The following SPOCK3 variants were observed in gnomAD, a reference collection of about 807,000 sequenced individuals.
SPOCK3 encodes SPARC (osteonectin), cwcv and kazal like domains proteoglycan 3, also known as testican-3.
A neutral mutation model predicts 56.6 loss-of-function variants in SPOCK3; 30 were observed. The ratio of observed to expected loss-of-function variants is 0.53; its 90% confidence interval spans 0.40 to 0.72. The LOEUF (loss-of-function observed/expected upper bound fraction) is 0.72. Ranked by LOEUF, SPOCK3 falls within the 30% of genes least tolerant of loss-of-function variation. SPOCK3 has a pLI of 0.00. For synonymous variants in SPOCK3, 196 were observed against 183.3 expected, an observed-to-expected ratio of 1.07 and a Z score of -0.56; for missense variants, 527 against 530.0, an observed-to-expected ratio of 0.99 and a Z score of 0.06.
intron 3 of SPOCK3, among the ~76,000 whole-genome samples, chr4:167,054,923 G>A (rs979078797): frequency 6.6e-6 from 1 of 152,126 alleles, no homozygotes; most frequent in Non-Finnish European, 1.5e-5. Flanking sequence ...TGCATATATA[G>A]AAAGGAGTTT....
At chr4:166,995,155 T>A (rs1748218478) in intron 4 of SPOCK3, among the ~76,000 whole-genome samples, 1 of 152,046 alleles carries the variant, frequency 6.6e-6, no homozygotes, top group Non-Finnish European at 1.5e-5. Context: ...TCAACTTTTA[T>A]CATAGGTAAA....
intron 6 of SPOCK3, among the ~76,000 whole-genome samples, chr4:166,795,718 T>C (rs891780427): frequency 2.0e-5 from 3 of 151,888 alleles, no homozygotes; most frequent in African/African-American, 7.3e-5. Flanking sequence ...ATAGTAATTA[T>C]CATTTTCATG....
chr4:166,944,846 G>A (rs1281905273), intron 4 of SPOCK3, among the ~76,000 whole-genome samples: 1 of 151,888 alleles, frequency 6.6e-6, no homozygotes, highest in Non-Finnish European at 1.5e-5. Flanking sequence ...AAGTATTTGT[G>A]GTGGAAGTAC....
chr4:166,792,442 T>C (rs1741459468), intron 6 of SPOCK3, among the ~76,000 whole-genome samples, 153 bp from the exon 7 acceptor site: 1 of 152,224 alleles, frequency 6.6e-6, no homozygotes, highest in Non-Finnish European at 1.5e-5. Flanking sequence ...ATATATGCCT[T>C]AAAATAAGAT....
intron 2 of SPOCK3, among the ~76,000 whole-genome samples, chr4:167,071,525 A>G (rs967973652): frequency 2.0e-5 from 3 of 151,964 alleles, no homozygotes; most frequent in African/African-American, 4.8e-5. Flanking sequence ...TTTGCTGAGA[A>G]TGATGGTTTC....
At chr4:167,020,559 G>A (rs1233467284) in intron 3 of SPOCK3, among the ~76,000 whole-genome samples, 1 of 151,972 alleles carries the variant, frequency 6.6e-6, no homozygotes, top group African/African-American at 2.4e-5. Context: ...TCTGCCATGT[G>A]AGAACAGTGT....
Position 166,916,765 on chromosome 4 carries a change from T to G in SPOCK3, c.351-4022A>C, listed in dbSNP as rs149616059. On this transcript the variant is annotated intron_variant, in intron 4 of 10. Coordinates refer to ENST00000357545, the MANE Select transcript of SPOCK3 (RefSeq NM_001040159.2). ...CCTCCCTCGGTCTTAATTTCTTCAC[T>G]TGTGCAATGACAGGTTTCATTATTA... Among the ~76,000 whole-genome samples the G allele has an allele frequency of 1.5e-3, 233 of 152,334 alleles. 10 individuals carry two copies. In the East Asian group the frequency reaches 0.043, roughly 28 times the overall value.
chr4:167,066,205 T>C (rs1189722339), intron 2 of SPOCK3, among the ~76,000 whole-genome samples: 10 of 151,904 alleles, frequency 6.6e-5, no homozygotes, highest in African/African-American at 2.2e-4. Context: ...AGCACACCTA[T>C]GTATTGTAGA....
chr4:166,945,880 C>A (rs1186693758), intron 4 of SPOCK3, among the ~76,000 whole-genome samples: 1 of 152,154 alleles, frequency 6.6e-6, no homozygotes, highest in Non-Finnish European at 1.5e-5. Flanking sequence ...ACCTTCTCCA[C>A]CTGAGGTGAA....
At chr4:167,220,378 C>CTTTTTTTTTT (rs61002914) in intron 2 of SPOCK3, among the ~76,000 whole-genome samples, 52 of 130,034 alleles carry the variant, frequency 4.0e-4, no homozygotes, top group Non-Finnish European at 7.3e-4. Context: ...ACTGTAAGAA[C>CTTTTTTTTTT]TTTTTTTTTT....
Position 166,980,755 on chromosome 4 carries a change from C to T in SPOCK3, c.350+19594G>A, listed in dbSNP as rs137982289. Among the ~76,000 whole-genome samples the T allele has an allele frequency of 2.9e-3, 435 of 152,304 alleles. 1 individual carries two copies. Among genetic ancestry groups the T allele is most frequent in the African/African-American group, 0.01 (423 of 41,562 alleles). ...CCGCAAGCAGCTTCTGCTGTAGGCA[C>T]CTGTGTGAGGGGAATGTGGCAATGC... is the stretch of plus-strand genomic sequence containing the variant. On this transcript the variant is annotated intron_variant, in intron 4 of 10. Transcript: ENST00000357545.
intron 2 of SPOCK3, among the ~76,000 whole-genome samples, chr4:167,094,875 G>A (rs1351019559): frequency 6.6e-6 from 1 of 151,994 alleles, no homozygotes; most frequent in Admixed American, 6.6e-5. Flanking sequence ...TTATTCTAAG[G>A]AATTGGCTCA....
At chr4:166,850,361 T>C (rs1300069389) in intron 6 of SPOCK3, among the ~76,000 whole-genome samples, 1 of 152,192 alleles carries the variant, frequency 6.6e-6, no homozygotes, top group African/African-American at 2.4e-5. Context: ...GAATAAAAGA[T>C]GTCTAGAGTT....
intron 2 of SPOCK3, among the ~76,000 whole-genome samples, chr4:167,075,367 C>T (rs542864458): frequency 1.3e-5 from 2 of 152,022 alleles, no homozygotes; most frequent in South Asian, 4.1e-4. Flanking sequence ...CTGCACCCAT[C>T]CTACTCGGGT....
chr4:166,891,465 A>T (rs757406521), intron 5 of SPOCK3, among the ~76,000 whole-genome samples: 2 of 152,032 alleles, frequency 1.3e-5, no homozygotes, highest in Non-Finnish European at 2.9e-5. Context: ...GAGCCCTGCA[A>T]CAAATGATTA....
intron 2 of SPOCK3, among the ~76,000 whole-genome samples, chr4:167,198,875 C>A (rs1733225353): frequency 6.6e-6 from 1 of 152,034 alleles, no homozygotes. Flanking sequence ...CCTATTTAAT[C>A]AGACCTATAA....
chr4:167,134,022 CTTTTTTTTT>C (rs34410893), intron 2 of SPOCK3, among the ~76,000 whole-genome samples: 2 of 80,564 alleles, frequency 2.5e-5, no homozygotes, highest in Non-Finnish European at 4.6e-5. Context: ...ACACCTTTTT[CTTTTTTTTT>C]TTTTTTTTTT....
chr4:167,020,626 C>G (rs902120989), intron 3 of SPOCK3, among the ~76,000 whole-genome samples: 10 of 151,904 alleles, frequency 6.6e-5, no homozygotes, highest in Non-Finnish European at 1.5e-4. Flanking sequence ...GCAAGAGGAC[C>G]CTTACCAGAT....
intron 4 of SPOCK3, among the ~76,000 whole-genome samples, chr4:166,997,091 A>G (rs746005746): frequency 9.9e-5 from 15 of 152,144 alleles, no homozygotes; most frequent in Non-Finnish European, 1.6e-4. Flanking sequence ...GTTCTCACTT[A>G]TAAGTGAGAG....
Sources: allele counts gnomAD v4.1 joint callset (sites outside exome capture counted in the v4.1 genomes callset), GRCh38; gene constraint gnomAD v4.1.1; transcripts MANE v1.5; gene names NCBI Gene and HGNC (gene_info 2026-07-23, HGNC 2026-07-21).